The following ZDHHC21 variants were observed in gnomAD, a reference collection of about 807,000 sequenced individuals.
ZDHHC21 encodes palmitoyltransferase ZDHHC21.
In ZDHHC21, 15 loss-of-function variants were observed where a neutral mutation model predicts 34.6. The ratio of observed to expected loss-of-function variants is 0.43; its 90% CI spans 0.29 to 0.67. ZDHHC21 has a LOEUF of 0.67. Ranked by LOEUF, ZDHHC21 falls within the 30% of genes least tolerant of loss-of-function variation. The probability of loss-of-function intolerance (pLI) is 0.14; values close to 1 mark genes in which losing one functional copy is unlikely to be tolerated. For synonymous variants in ZDHHC21, 142 were observed against 101.8 expected, an observed-to-expected ratio of 1.40 and a Z score of -2.38; for missense variants, 344 against 327.7, an observed-to-expected ratio of 1.05 and a Z score of -0.38.
chr9:14,628,986 G>C (rs1383708978), intron 8 of ZDHHC21, among the ~76,000 whole-genome samples: 1 of 152,128 alleles, frequency 6.6e-6, no homozygotes, highest in Non-Finnish European at 1.5e-5. Context: ...GGTAACGCTT[G>C]AGGTTCACTA....
intron 8 of ZDHHC21, among the ~76,000 whole-genome samples, chr9:14,628,385 T>C (rs557105405): frequency 2.8e-4 from 42 of 152,292 alleles, no homozygotes; most frequent in African/African-American, 8.7e-4. Context: ...AAATGAATAA[T>C]GGTAAAAAAT....
At chr9:14,595,473 C>T in the ZDHHC21 span, among the ~76,000 whole-genome samples, 1 of 152,080 alleles carries the variant, frequency 6.6e-6, no homozygotes, top group African/African-American at 2.4e-5. Flanking sequence ...TCTATAAAAG[C>T]ATATTAGTGG....
chr9:14,640,085 G>A, intron 7 of ZDHHC21, 73 bp from the exon 8 acceptor site: 3 of 764,000 alleles, frequency 3.9e-6, no homozygotes, highest in South Asian at 4.1e-5. Context: ...TAATAATCAA[G>A]AATTGAGCCA....
At chr9:14,681,567 G>A (rs1192316439) in intron 2 of ZDHHC21, among the ~76,000 whole-genome samples, 1 of 152,098 alleles carries the variant, frequency 6.6e-6, no homozygotes, top group Admixed American at 6.5e-5. Flanking sequence ...GATCAAATTT[G>A]CATTTTAGGA....
At chr9:14,607,219 G>A (rs1034179253), downstream of ZDHHC21, among the ~76,000 whole-genome samples, 8 of 152,050 alleles carry the variant, frequency 5.3e-5, no homozygotes, top group Admixed American at 1.3e-4. Context: ...AGGCCAAGGC[G>A]GGCAGACTGC....
chr9:14,643,073 A>C (rs2133746715), intron 7 of ZDHHC21, among the ~76,000 whole-genome samples: 1 of 152,172 alleles, frequency 6.6e-6, no homozygotes, highest in East Asian at 1.9e-4. Context: ...CCCCGTCTCT[A>C]CTAAAAAATA....
intron 5 of ZDHHC21, among the ~76,000 whole-genome samples, chr9:14,667,231 A>C (rs1275214809): frequency 6.7e-6 from 1 of 148,692 alleles, no homozygotes; most frequent in African/African-American, 2.5e-5. Flanking sequence ...CCTCTACTCA[A>C]ATAAACTAGA....
intron 7 of ZDHHC21, among the ~76,000 whole-genome samples, chr9:14,648,681 C>A (rs1039601004): frequency 6.6e-6 from 1 of 152,166 alleles, no homozygotes; most frequent in East Asian, 1.9e-4. Flanking sequence ...CTAATTGGAA[C>A]GTAAGCTCCT....
At chr9:14,607,877 G>C (rs918495646), downstream of ZDHHC21, among the ~76,000 whole-genome samples, 1 of 152,140 alleles carries the variant, frequency 6.6e-6, no homozygotes, top group Admixed American at 6.6e-5. Context: ...AATTATTGGA[G>C]ACTTTCAAAC....
At position 14,612,113 on chromosome 9, in the gene ZDHHC21, T is replaced by C. The variant is rs530099136; in HGVS notation, c.*6853A>G. The C allele has an allele frequency of 6.6e-6, 1 of 152,158 alleles. No homozygotes were observed. Among genetic ancestry groups the C allele is most frequent in the South Asian group, 2.1e-4 (1 of 4,824 alleles). The allele number at this position is 152,158 out of a possible 1,614,324, so 9.4% of individuals were successfully genotyped here. On this transcript the variant is annotated 3_prime_UTR_variant, in exon 10 of 10. Coordinates refer to ENST00000380916, the MANE Select transcript of ZDHHC21 (RefSeq NM_178566.6). ...ATAATGTTGCTTCATCTCATTAGGC[T>C]TTCAAATTTTGCTTTCACCTCTAAT... is the stretch of plus-strand genomic sequence containing the variant.
intron 8 of ZDHHC21, among the ~76,000 whole-genome samples, chr9:14,620,567 AT>A (rs61066901): frequency 0.76 from 115,996 of 151,888 alleles, 44,982 homozygotes; most frequent in African/African-American, 0.9. Flanking sequence ...AGGTGGACTT[AT>A]TTAAGCAGTA....
In ZDHHC21 at chr9:14,617,773, T is replaced by C. The variant is rs1379222637; in HGVS notation, c.*1193A>G. 3 of 152,016 alleles carry C rather than the reference T, an allele frequency of 2.0e-5. No individual in the cohort carries two copies. The highest frequency in any genetic ancestry group is 6.6e-5 in the Admixed American group (1 of 15,238). The allele number at this position is 152,016 out of a possible 1,614,324, so 9.4% of individuals were successfully genotyped here. ...GGCTAATGATAAACACAGATCATTA[T>C]ATTTTCTTATTTTAGGTTCACTTCC... On this transcript the variant is annotated 3_prime_UTR_variant, in exon 10 of 10. Coordinates refer to ENST00000380916, the MANE Select transcript of ZDHHC21 (RefSeq NM_178566.6).
chr9:14,673,219 G>A (rs1835793569), intron 4 of ZDHHC21, among the ~76,000 whole-genome samples: 2 of 151,778 alleles, frequency 1.3e-5, no homozygotes, highest in African/African-American at 4.8e-5. Context: ...TATTAATAAT[G>A]GCATAAATGA....
At chr9:14,593,011 A>T in the ZDHHC21 span, among the ~76,000 whole-genome samples, 1 of 152,188 alleles carries the variant, frequency 6.6e-6, no homozygotes, top group South Asian at 2.1e-4. Context: ...CAGCTAAAGT[A>T]GTACAGGGAG....
downstream of ZDHHC21, among the ~76,000 whole-genome samples, chr9:14,607,668 G>C (rs1036123196): frequency 6.6e-6 from 1 of 151,898 alleles, no homozygotes; most frequent in Admixed American, 6.6e-5. Flanking sequence ...TGTTGTGGAA[G>C]GGTTATGTAA....
At chr9:14,685,584 G>C (rs149537998) in intron 2 of ZDHHC21, among the ~76,000 whole-genome samples, 1,726 of 152,284 alleles carry the variant, frequency 0.011, 36 homozygotes, top group African/African-American at 0.039. Flanking sequence ...GAAGAAACAG[G>C]AACACTTTTA....
chr9:14,590,022 G>A, the ZDHHC21 span: 2 of 152,034 alleles, frequency 1.3e-5, no homozygotes, highest in Non-Finnish European at 2.9e-5. Context: ...CAGACAAGGA[G>A]CTTAAAACAC....
intron 7 of ZDHHC21, among the ~76,000 whole-genome samples, chr9:14,641,780 C>T (rs1399769511): frequency 2.0e-5 from 3 of 152,128 alleles, no homozygotes; most frequent in Admixed American, 6.5e-5. Flanking sequence ...GGTAAAGTGC[C>T]ATGTTTATCA....
intron 3 of ZDHHC21, among the ~76,000 whole-genome samples, chr9:14,674,798 G>T (rs1455515702): frequency 6.6e-6 from 1 of 151,890 alleles, no homozygotes; most frequent in African/African-American, 2.4e-5. Flanking sequence ...AAGACTGATG[G>T]GTCACACAAG....
Sources: gnomAD v4.1 joint callset for allele counts (sites outside exome capture counted in the v4.1 genomes callset) on GRCh38, gnomAD v4.1.1 for gene constraint, MANE v1.5 for transcripts, NCBI Gene and HGNC (gene_info 2026-07-23, HGNC 2026-07-21) for gene names.